Variants in CNTNAP2 observed in about 807,000 individuals in gnomAD.
The protein encoded by CNTNAP2 is contactin-associated protein-like 2.
CNTNAP2 carries 98 observed loss-of-function variants against 155.2 expected under a neutral mutation model. That is an observed-to-expected ratio of 0.63 (90% CI 0.54 to 0.75). CNTNAP2 has a LOEUF of 0.75. Ranked by LOEUF, CNTNAP2 falls within the 30% of genes least tolerant of loss-of-function variation. CNTNAP2 has a pLI of 0.00. For missense variants in CNTNAP2, 1,727 were observed against 1,688.1 expected (o/e 1.02, Z -0.40); for synonymous variants, 651 against 631.2 (o/e 1.03, Z -0.47).
intron 1 of CNTNAP2, among the ~76,000 whole-genome samples, chr7:146,663,637 T>A (rs1415991425): frequency 6.6e-6 from 1 of 152,162 alleles, no homozygotes; most frequent in Non-Finnish European, 1.5e-5. Context: ...TATTTTAAAC[T>A]GTACTTTTTC....
chr7:147,150,202 A>T (rs1382217229), intron 8 of CNTNAP2, among the ~76,000 whole-genome samples: 2 of 152,192 alleles, frequency 1.3e-5, no homozygotes, highest in Non-Finnish European at 2.9e-5. Flanking sequence ...GAAGCCATAG[A>T]TTATTTACTA....
intron 8 of CNTNAP2, among the ~76,000 whole-genome samples, chr7:147,294,929 G>T (rs577455127): frequency 3.3e-5 from 5 of 152,148 alleles, no homozygotes; most frequent in African/African-American, 1.2e-4. Flanking sequence ...CATAGTGCTG[G>T]GATTGCAGGT....
At chr7:147,797,944 C>G (rs1359118223) in intron 13 of CNTNAP2, among the ~76,000 whole-genome samples, 1 of 152,026 alleles carries the variant, frequency 6.6e-6, no homozygotes, top group Non-Finnish European at 1.5e-5. Flanking sequence ...TCAATAATTA[C>G]CCTTCAAATA....
chr7:146,627,836 A>T (rs1389311341), intron 1 of CNTNAP2, among the ~76,000 whole-genome samples: 1 of 152,114 alleles, frequency 6.6e-6, no homozygotes, highest in Non-Finnish European at 1.5e-5. Context: ...AAGCACCAAA[A>T]TGGAAAAAAT....
intron 1 of CNTNAP2, among the ~76,000 whole-genome samples, chr7:146,507,880 C>T (rs1400633663): frequency 6.6e-6 from 1 of 152,098 alleles, no homozygotes; most frequent in African/African-American, 2.4e-5. Context: ...CTATTGTCGC[C>T]CTTTCCATGT....
At chr7:147,197,327 G>A (rs556664566) in intron 8 of CNTNAP2, among the ~76,000 whole-genome samples, 2 of 152,008 alleles carry the variant, frequency 1.3e-5, no homozygotes, top group African/African-American at 2.4e-5. Flanking sequence ...CCCTATGCTC[G>A]GGCCTGCCCC....
chr7:146,821,625 GA>G (rs1192918813), intron 2 of CNTNAP2, among the ~76,000 whole-genome samples: 3 of 151,780 alleles, frequency 2.0e-5, no homozygotes, highest in Non-Finnish European at 4.4e-5. Flanking sequence ...AAATTTACAA[GA>G]AAAAAACAAA....
chr7:147,662,695 G>C (rs887170209), intron 13 of CNTNAP2, among the ~76,000 whole-genome samples: 1 of 152,104 alleles, frequency 6.6e-6, no homozygotes, highest in African/African-American at 2.4e-5. Flanking sequence ...CATTATTTCT[G>C]TGTCTTCCAT....
intron 1 of CNTNAP2, among the ~76,000 whole-genome samples, chr7:146,223,580 C>T (rs1174151771): frequency 1.3e-5 from 2 of 152,088 alleles, no homozygotes; most frequent in African/African-American, 2.4e-5. Flanking sequence ...GTCTGGCACA[C>T]AGCTGGAATG....
chr7:146,561,802 G>A (rs1231817898), intron 1 of CNTNAP2, among the ~76,000 whole-genome samples: 1 of 151,944 alleles, frequency 6.6e-6, no homozygotes, highest in Non-Finnish European at 1.5e-5. Context: ...GTTGTTTATT[G>A]TTTTTGAGAC....
chr7:146,907,705 TGTAAA>T (rs1357464695), intron 3 of CNTNAP2, among the ~76,000 whole-genome samples: 2 of 148,652 alleles, frequency 1.3e-5, no homozygotes, highest in African/African-American at 5.0e-5. Flanking sequence ...CATGCCAAAA[TGTAAA>T]GACCATCGAG....
chr7:147,738,681 G>T (rs556630829), intron 13 of CNTNAP2, among the ~76,000 whole-genome samples: 29 of 139,586 alleles, frequency 2.1e-4, no homozygotes, highest in Non-Finnish European at 4.1e-4. Context: ...TTTAGGTGGA[G>T]TCTTGCTCTG....
chr7:147,686,729 A>G (rs895400608), intron 13 of CNTNAP2, among the ~76,000 whole-genome samples: 5 of 152,020 alleles, frequency 3.3e-5, no homozygotes, highest in African/African-American at 1.2e-4. Flanking sequence ...TGTTTCTGCT[A>G]AAGTGATGCA....
chr7:146,789,177 T>G (rs1261550869), intron 2 of CNTNAP2, among the ~76,000 whole-genome samples: 2 of 152,206 alleles, frequency 1.3e-5, no homozygotes, highest in Non-Finnish European at 2.9e-5. Flanking sequence ...TAACAGAAAC[T>G]GGATCTGAGT....
chr7:146,781,758 C>A lies in CNTNAP2; in HGVS notation c.208+7377C>A, dbSNP rs1026263404. Among the ~76,000 whole-genome samples the A allele has an allele frequency of 3.3e-5, 5 of 152,170 alleles. No homozygotes were observed. In the East Asian group the frequency reaches 9.6e-4, roughly 29 times the overall value. On this transcript the variant is annotated intron_variant, in intron 2 of 23. Transcript: ENST00000361727. ...CTGAGTTGCATTTATAAAACACCTT[C>A]TTTCCCTCTGCTTTTTCTTTGCTCT...
intron 16 of CNTNAP2, among the ~76,000 whole-genome samples, chr7:148,140,336 G>C (rs1390931706): frequency 1.3e-5 from 2 of 152,028 alleles, no homozygotes; most frequent in Non-Finnish European, 2.9e-5. Flanking sequence ...CCCTCAGAAG[G>C]CTGGAGAATA....
At chr7:147,067,248 G>A (rs926006853) in intron 4 of CNTNAP2, among the ~76,000 whole-genome samples, 10 of 132,862 alleles carry the variant, frequency 7.5e-5, no homozygotes, top group East Asian at 4.5e-4. Flanking sequence ...CCAAGGTCAC[G>A]CCAATGCACT....
chr7:146,151,716 A>G (rs866783273), intron 1 of CNTNAP2, among the ~76,000 whole-genome samples: 6 of 113,892 alleles, frequency 5.3e-5, no homozygotes, highest in South Asian at 5.6e-4. Context: ...ATATATATGT[A>G]TATATATATA....
intron 11 of CNTNAP2, among the ~76,000 whole-genome samples, chr7:147,545,608 G>T (rs1186624517): frequency 6.6e-6 from 1 of 152,184 alleles, no homozygotes; most frequent in Non-Finnish European, 1.5e-5. Flanking sequence ...TCAAATGACA[G>T]CTTGCCTGGG....
Sources: gnomAD v4.1 joint callset for allele counts (sites outside exome capture counted in the v4.1 genomes callset) on GRCh38, gnomAD v4.1.1 for gene constraint, MANE v1.5 for transcripts, NCBI Gene and HGNC (gene_info 2026-07-23, HGNC 2026-07-21) for gene names.